The following KIF1B variants were observed in gnomAD, a reference collection of about 807,000 sequenced individuals.
The protein encoded by KIF1B is kinesin family member 1B.
A neutral mutation model predicts 241.9 loss-of-function variants in KIF1B; 76 were observed. The ratio of observed to expected loss-of-function variants is 0.31; its 90% CI spans 0.26 to 0.38. The LOEUF (loss-of-function observed/expected upper bound fraction) is 0.38. KIF1B is among the 10% of genes least tolerant of loss of function. The pLI is 1.00. For synonymous variants in KIF1B, 750 were observed against 796.7 expected, an observed-to-expected ratio of 0.94 and a Z score of 0.99; for missense variants, 1,622 against 2,271.4, an observed-to-expected ratio of 0.71 and a Z score of 5.81.
chr1:10,342,471 A>AATG (rs1355814923), intron 33 of KIF1B, among the ~76,000 whole-genome samples: 8 of 152,232 alleles, frequency 5.3e-5, no homozygotes, highest in Non-Finnish European at 8.8e-5. Context: ...AATTGTTCCT[A>AATG]ATGCCCACAG....
intron 37 of KIF1B, among the ~76,000 whole-genome samples, chr1:10,349,027 TG>T (rs1407314170): frequency 6.6e-6 from 1 of 152,216 alleles, no homozygotes. Context: ...GCAGAGGCCT[TG>T]AGTTTGAAAC....
Position 10,374,533 on chromosome 1 carries a change from G to C in KIF1B, c.5096+68G>C. The C allele has an allele frequency of 6.6e-7, 1 of 1,526,418 alleles. No homozygotes were observed. Among genetic ancestry groups the C allele is most frequent in the Non-Finnish European group, 9.1e-7 (1 of 1,102,182 alleles). The allele number at this position is 1,526,418 out of a possible 1,614,324, so 94.6% of individuals were successfully genotyped here. A position where few individuals can be genotyped will look rare whatever the true frequency, so the allele number is the denominator to read the frequency against. On this transcript the variant is annotated intron_variant, in intron 46 of 48. Coordinates refer to ENST00000676179, the MANE Select transcript of KIF1B (RefSeq NM_001365951.3). This position sits in a 1 kb window ranked among gnomAD's most constrained non-coding sequence, Gnocchi z 4.3. ...ATCCACAGGAAGAAGTGACTGGCCA[G>C]CTCTTCCCTGTGAGGTCTGTACTGT...
chr1:10,352,718 C>A lies in KIF1B; in HGVS notation c.4037C>A (p.Ser1346Tyr). 6.2e-7 allele frequency: 1 copy of A among 1,613,592 alleles called. No homozygotes were observed. The stretch of plus-strand genomic sequence containing the variant: ...ATTATTTCTGCCAAGTACCTGAAGT[C>A]TTCCCACAACTCTAGCAGGTGGGAC... Reference protein sequence around the residue: ...LNIISAKYLKSSHNSSRTFYR... With the variant: ...LNIISAKYLKYSHNSSRTFYR... Residue 1346 changes from serine (S) to tyrosine (Y), a missense_variant, in exon 38 of 49, where the codon TCT becomes TAT. This residue lies in a region of KIF1B where 803 missense variants were observed against 1,112.0 expected (regional missense o/e 0.72). Coordinates refer to ENST00000676179, the MANE Select transcript of KIF1B (RefSeq NM_001365951.3).
intron 34 of KIF1B, among the ~76,000 whole-genome samples, 166 bp downstream of exon 34, chr1:10,343,453 C>T (rs1006153454): frequency 1.3e-5 from 2 of 152,042 alleles, no homozygotes; most frequent in Non-Finnish European, 2.9e-5. Context: ...ATTCCTAGTT[C>T]CTGATTTAAA....
At chr1:10,219,065 C>G (rs1646805400) in intron 1 of KIF1B, among the ~76,000 whole-genome samples, 1 of 152,260 alleles carries the variant, frequency 6.6e-6, no homozygotes, top group South Asian at 2.1e-4. Flanking sequence ...ACAATTTTCA[C>G]TCTGGTAAAA....
At position 10,377,299 on chromosome 1, in the gene KIF1B, G is replaced by A. The variant is rs146717943; in HGVS notation, c.*712G>A. 1,662 of 228,478 alleles carry A rather than the reference G, an allele frequency of 7.3e-3. 22 individuals are homozygous for A. The highest frequency in any genetic ancestry group is 0.034 in the African/African-American group (1,526 of 45,108). The allele number at this position is 228,478 out of a possible 1,614,324, so 14.2% of individuals were successfully genotyped here. Reference sequence around the variant, plus strand: ...TTTTATTTACTGGTAGAGAGGAGACGAGAGGCTTTTTCAGTGGGCCTGGGA... The same window carrying A: ...TTTTATTTACTGGTAGAGAGGAGACAAGAGGCTTTTTCAGTGGGCCTGGGA... On this transcript the variant is annotated 3_prime_UTR_variant, in exon 49 of 49. Coordinates refer to ENST00000676179, the MANE Select transcript of KIF1B (RefSeq NM_001365951.3).
rs1652209641 is a variant in KIF1B at position 10,337,112 on chromosome 1, G to A, written c.3168G>A (p.Leu1056=). 6 of 1,614,136 alleles carry A rather than the reference G, an allele frequency of 3.7e-6. No individual in the cohort carries two copies. The African/African-American group carries it at 4.0e-5, about 11-fold the overall frequency. Residue 1056 remains leucine (L), a synonymous_variant, in exon 30 of 49, where the codon CTG becomes CTA. Coordinates refer to ENST00000676179, the MANE Select transcript of KIF1B (RefSeq NM_001365951.3). This position sits in a 1 kb window ranked among gnomAD's most constrained non-coding sequence, Gnocchi z 4.0. ...CTGTTGCAATGACTCGTTCTGGTCT[G>A]TCCTTGGAGGAGTTGAGGATTGTGG... ...FSSVAMTRSG[L]SLEELRIVEG...
chr1:10,218,389 G>A (rs762844308), intron 1 of KIF1B, among the ~76,000 whole-genome samples: 1 of 151,668 alleles, frequency 6.6e-6, no homozygotes, highest in Non-Finnish European at 1.5e-5. Context: ...CTACTCACAT[G>A]GCTATTAAAT....
chr1:10,244,615 CTT>C (rs773950544), intron 2 of KIF1B, among the ~76,000 whole-genome samples: 20 of 103,774 alleles, frequency 1.9e-4, no homozygotes, highest in Admixed American at 4.0e-4. Context: ...CCCGGCCCTC[CTT>C]TTTTTTTTTT....
At chr1:10,254,345 CAG>C (rs753286639) in intron 2 of KIF1B, among the ~76,000 whole-genome samples, 1 of 152,168 alleles carries the variant, frequency 6.6e-6, no homozygotes, top group Non-Finnish European at 1.5e-5. Flanking sequence ...AACATTATCA[CAG>C]AGTATTTACT....
intron 38 of KIF1B, among the ~76,000 whole-genome samples, chr1:10,357,705 AC>A (rs1638291218): frequency 6.7e-6 from 1 of 149,352 alleles, no homozygotes; most frequent in African/African-American, 2.5e-5. Flanking sequence ...ACAGAGCAAG[AC>A]CCTTGTCTAA....
chr1:10,332,060 A>G (rs1313246805), intron 27 of KIF1B, among the ~76,000 whole-genome samples: 1 of 148,906 alleles, frequency 6.7e-6, no homozygotes, highest in Non-Finnish European at 1.5e-5. Flanking sequence ...CTTAACATTT[A>G]TCTTTTTTCT....
At chr1:10,241,789 A>T (rs988498718) in intron 2 of KIF1B, among the ~76,000 whole-genome samples, 1 of 151,666 alleles carries the variant, frequency 6.6e-6, no homozygotes, top group Non-Finnish European at 1.5e-5. Flanking sequence ...AACTCTCAAG[A>T]GGTGTTTTGG....
intron 18 of KIF1B, among the ~76,000 whole-genome samples, chr1:10,295,442 A>G (rs1055969066): frequency 6.6e-6 from 1 of 152,088 alleles, no homozygotes; most frequent in African/African-American, 2.4e-5. Context: ...ATAATACTGT[A>G]TGAGTTACAT....
intron 15 of KIF1B, among the ~76,000 whole-genome samples, chr1:10,288,807 T>A (rs1467249614): frequency 6.6e-6 from 1 of 152,210 alleles, no homozygotes; most frequent in Non-Finnish European, 1.5e-5. Context: ...ATCTTTACTC[T>A]TGCTTTTTTC....
chr1:10,360,783 G>T (rs1638399729), intron 38 of KIF1B, 146 bp from the exon 39 acceptor site: 4 of 711,130 alleles, frequency 5.6e-6, no homozygotes, highest in Non-Finnish European at 1.0e-5. Flanking sequence ...AGGAGATAAG[G>T]GTTCCTCTCT....
intron 43 of KIF1B, among the ~76,000 whole-genome samples, chr1:10,367,348 A>C (rs1638604645): frequency 6.6e-6 from 1 of 151,576 alleles, no homozygotes; most frequent in African/African-American, 2.4e-5. Context: ...CACCCGCCTC[A>C]GCCTCCCAAA....
At chr1:10,215,702 T>G (rs1646759368) in intron 1 of KIF1B, among the ~76,000 whole-genome samples, 1 of 151,982 alleles carries the variant, frequency 6.6e-6, no homozygotes, top group Non-Finnish European at 1.5e-5. Context: ...TGCGCTACCA[T>G]GCCCAGCTAA....
At chr1:10,240,298 T>C (rs1647118149) in intron 2 of KIF1B, among the ~76,000 whole-genome samples, 1 of 151,914 alleles carries the variant, frequency 6.6e-6, no homozygotes, top group South Asian at 2.1e-4. Context: ...AACCTCTGCC[T>C]CCCAGGTTCA....
Sources: allele counts gnomAD v4.1 joint callset (sites outside exome capture counted in the v4.1 genomes callset), GRCh38; gene constraint gnomAD v4.1.1; regional missense constraint gnomAD v4.1.1; non-coding constraint Gnocchi (gnomAD v3.1); transcripts MANE v1.5; gene names NCBI Gene and HGNC (gene_info 2026-07-23, HGNC 2026-07-21).